Variants in CREB3L2 observed in about 807,000 individuals in gnomAD.
CREB3L2 encodes cyclic AMP-responsive element-binding protein 3-like protein 2.
CREB3L2 carries 23 observed loss-of-function variants against 57.2 expected under a neutral mutation model. The ratio of observed to expected loss-of-function variants is 0.40; its 90% CI spans 0.29 to 0.57. The LOEUF (loss-of-function observed/expected upper bound fraction) is 0.57, where lower values mean the gene tolerates loss of function less well. CREB3L2 is among the 20% of genes least tolerant of loss of function. The pLI, the probability that CREB3L2 is intolerant of heterozygous loss-of-function variation, is 0.42. For missense variants in CREB3L2, 628 were observed against 634.7 expected (o/e 0.99, Z 0.11); for synonymous variants, 268 against 265.1 (o/e 1.01, Z -0.11).
Position 137,882,538 on chromosome 7 carries a change from T to TCCCAGCCC in CREB3L2, c.1353_1360dup (p.Asp454GlyfsTer57), listed in dbSNP as rs769140806. 6.2e-6 allele frequency: 10 copies of TCCCAGCCC among 1,613,788 alleles called. No homozygotes were observed. The highest frequency in any genetic ancestry group is 7.6e-6 in the Non-Finnish European group (9 of 1,179,792). On this transcript the variant is annotated frameshift_variant, in exon 11 of 12. Transcript: ENST00000330387. LOFTEE classifies it high-confidence loss of function. Reference sequence around the variant, plus strand: ...CACCCTGAGCAGGGAGGAACCTCTATCCCAGCCCCCCAGCTCCCCAGCCGA... The same window carrying TCCCAGCCC: ...CACCCTGAGCAGGGAGGAACCTCTATCCCAGCCCCCCAGCCCCCCAGCTCCCCAGCCGA...
intron 1 of CREB3L2, among the ~76,000 whole-genome samples, chr7:137,978,513 C>G (rs921967870): frequency 6.6e-6 from 1 of 152,192 alleles, no homozygotes. Flanking sequence ...GAGCTCAAAT[C>G]AACCAAGATG....
At chr7:137,894,510 C>A (rs893789707) in intron 8 of CREB3L2, among the ~76,000 whole-genome samples, 1 of 152,148 alleles carries the variant, frequency 6.6e-6, no homozygotes, top group African/African-American at 2.4e-5. Flanking sequence ...TCTGTCTACC[C>A]CATTGGCTTC....
intron 2 of CREB3L2, among the ~76,000 whole-genome samples, chr7:137,922,383 T>C (rs868142983): frequency 0.013 from 201 of 15,192 alleles, no homozygotes; most frequent in African/African-American, 0.03. Flanking sequence ...TATATATATA[T>C]GTATATATAT....
intron 1 of CREB3L2, among the ~76,000 whole-genome samples, chr7:137,944,588 T>C (rs1800935577): frequency 6.6e-6 from 1 of 152,224 alleles, no homozygotes; most frequent in Non-Finnish European, 1.5e-5. Context: ...TATCCCTGAA[T>C]TGTGATCCAT....
chr7:137,924,926 G>T (rs768907442), intron 2 of CREB3L2, among the ~76,000 whole-genome samples: 3 of 151,952 alleles, frequency 2.0e-5, no homozygotes, highest in Non-Finnish European at 4.4e-5. Context: ...AACTTTTTTT[G>T]GTCACAAACT....
Position 137,991,800 on chromosome 7 carries a change from C to T in CREB3L2, c.102+9804G>A, listed in dbSNP as rs946954144. 5.3e-5 allele frequency among the ~76,000 whole-genome samples: 8 copies of T among 151,574 alleles called. No homozygotes were observed. The East Asian group carries it at 9.9e-4, about 19-fold the overall frequency. The stretch of plus-strand genomic sequence containing the variant: ...GTGGGCACCTGTAATCCCAGCTACT[C>T]GGGAGACTGAGGCACAAGAATCACT... On this transcript the variant is annotated intron_variant, in intron 1 of 11. Transcript: ENST00000330387.
At position 137,880,777 on chromosome 7, in the gene CREB3L2, C is replaced by T. The variant is rs1474271798; in HGVS notation, c.1488-226G>A. Among the ~76,000 whole-genome samples the T allele has an allele frequency of 6.6e-6, 1 of 152,144 alleles. No individual in the cohort carries two copies. The highest frequency in any genetic ancestry group is 1.5e-5 in the Non-Finnish European group (1 of 68,042). On this transcript the variant is annotated intron_variant, in intron 11 of 11. Coordinates refer to ENST00000330387, the MANE Select transcript of CREB3L2 (RefSeq NM_194071.4). This position sits in a 1 kb window ranked among gnomAD's most constrained non-coding sequence, Gnocchi z 4.0. ...CTACCTTTATCTACACCCAAGGCAT[C>T]CCAACCCTACTAAGGATAATCATGG...
chr7:137,946,948 TTA>T (rs1238750973), intron 1 of CREB3L2, among the ~76,000 whole-genome samples: 55 of 93,564 alleles, frequency 5.9e-4, no homozygotes, highest in African/African-American at 2.3e-3. Flanking sequence ...ATATATATAG[TTA>T]TATATATATA....
At chr7:137,947,515 CT>C (rs1433506368) in intron 1 of CREB3L2, among the ~76,000 whole-genome samples, 2 of 152,156 alleles carry the variant, frequency 1.3e-5, no homozygotes, top group Non-Finnish European at 2.9e-5. Flanking sequence ...CGGGGCTCCC[CT>C]GAGCCTCTCC....
rs10229835 is a variant in CREB3L2, at chr7:137,989,184, G to A, written c.102+12420C>T. On this transcript the variant is annotated intron_variant, in intron 1 of 11. Transcript: ENST00000330387. ...CTGAGTTCCTGGCCTTCTGCAGTTC[G>A]TGCTCTCGCCTGGAAACCAGGCCTC... Among the ~76,000 whole-genome samples the A allele has an allele frequency of 8.5e-3, 1,293 of 152,162 alleles. 18 individuals are homozygous for A. Among genetic ancestry groups the A allele is most frequent in the African/African-American group, 0.03 (1,232 of 41,508 alleles).
At chr7:137,888,501 C>T (rs909065587) in intron 8 of CREB3L2, among the ~76,000 whole-genome samples, 10 of 152,052 alleles carry the variant, frequency 6.6e-5, no homozygotes, top group Non-Finnish European at 1.3e-4. Flanking sequence ...AGTGTGCATT[C>T]ATTCTCACAG....
At chr7:137,991,330 A>ATT (rs201636209) in intron 1 of CREB3L2, among the ~76,000 whole-genome samples, 1 of 151,078 alleles carries the variant, frequency 6.6e-6, no homozygotes, top group African/African-American at 2.4e-5. Flanking sequence ...CACCTGGCTA[A>ATT]TTTTTTTGTA....
intron 4 of CREB3L2, among the ~76,000 whole-genome samples, chr7:137,909,968 T>C (rs1167896045): frequency 6.6e-6 from 1 of 152,212 alleles, no homozygotes; most frequent in African/African-American, 2.4e-5. Context: ...TGACGCCTTG[T>C]AAAATGTGCC....
At chr7:137,943,614 C>A (rs1359755381) in intron 1 of CREB3L2, among the ~76,000 whole-genome samples, 1 of 152,128 alleles carries the variant, frequency 6.6e-6, no homozygotes, top group Non-Finnish European at 1.5e-5. Context: ...GGAAATGGCA[C>A]TAGACCATTT....
intron 1 of CREB3L2, chr7:137,953,581 T>A: frequency 8.7e-7 from 1 of 1,145,766 alleles, no homozygotes. Flanking sequence ...TCTCAGAATG[T>A]GACTCTAGAG....
At chr7:137,912,965 A>G (rs1039540845) in intron 4 of CREB3L2, 26 bp downstream of exon 4, 1 of 1,612,710 alleles carries the variant, frequency 6.2e-7, no homozygotes, top group Non-Finnish European at 8.5e-7. Flanking sequence ...CCATAACCCA[A>G]AGGGACACAG....
chr7:137,887,742 C>T (rs1215449222), intron 8 of CREB3L2, among the ~76,000 whole-genome samples: 1 of 152,032 alleles, frequency 6.6e-6, no homozygotes, highest in African/African-American at 2.4e-5. Context: ...GCGTTTCTAT[C>T]TACATGACAT....
At chr7:137,961,248 A>G (rs1014496179) in intron 1 of CREB3L2, among the ~76,000 whole-genome samples, 2 of 151,054 alleles carry the variant, frequency 1.3e-5, no homozygotes, top group Admixed American at 6.6e-5. Flanking sequence ...TTTGTCCTCA[A>G]TTTTCTCAAT....
chr7:137,882,554 C>A lies in CREB3L2; in HGVS notation c.1345G>T (p.Glu449Ter), dbSNP rs1188579473. The change falls in exon 11 of 12, where the codon GAG (glutamate) becomes TAG (stop). Residue 449 changes from glutamate (E) to a stop codon, truncating the protein, a stop_gained. Transcript: ENST00000330387. LOFTEE classifies it high-confidence loss of function. ...GAACCTCTATCCCAGCCCCCCAGCT[C>A]CCCAGCCGAGCCCGGGCTGGATGAC... is the stretch of plus-strand genomic sequence containing the variant. ...EESSSPGSAG[E>*]LGGWDRGSSL... 1.9e-6 allele frequency: 3 copies of A among 1,613,770 alleles called. No individual in the cohort carries two copies. Among genetic ancestry groups the A allele is most frequent in the Non-Finnish European group, 1.7e-6 (2 of 1,179,724 alleles).
Sources: allele counts gnomAD v4.1 joint callset (sites outside exome capture counted in the v4.1 genomes callset), GRCh38; gene constraint gnomAD v4.1.1; non-coding constraint Gnocchi (gnomAD v3.1); transcripts MANE v1.5; gene names NCBI Gene and HGNC (gene_info 2026-07-23, HGNC 2026-07-21).